Variants in BABAM2 observed in about 807,000 individuals in gnomAD.
BABAM2 encodes BRISC and BRCA1 A complex member 2, also known as BRISC and BRCA1-A complex member 2.
A neutral mutation model predicts 54.7 loss-of-function variants in BABAM2; 31 were observed. The observed-to-expected ratio is 0.57, with a 90% CI of 0.43 to 0.77. The LOEUF is 0.77. BABAM2 is among the 30% of genes least tolerant of loss of function. The probability of loss-of-function intolerance (pLI) is 0.00; values close to 1 mark genes in which losing one functional copy is unlikely to be tolerated. For synonymous variants in BABAM2, 167 were observed against 162.9 expected, an observed-to-expected ratio of 1.03 and a Z score of -0.19; for missense variants, 364 against 455.8, an observed-to-expected ratio of 0.80 and a Z score of 1.83.
At chr2:28,061,383 C>T (rs545547074) in intron 6 of BABAM2, among the ~76,000 whole-genome samples, 4 of 151,468 alleles carry the variant, frequency 2.6e-5, no homozygotes, top group Admixed American at 6.6e-5. Flanking sequence ...CAGGAGATAG[C>T]GACCATCCTG....
chr2:27,952,215 G>A (rs867110951), intron 3 of BABAM2, among the ~76,000 whole-genome samples: 4 of 152,246 alleles, frequency 2.6e-5, no homozygotes, highest in African/African-American at 9.6e-5. Flanking sequence ...TTTCTTTTGA[G>A]TAGCATATAA....
chr2:28,174,330 G>GTA (rs201583998), intron 7 of BABAM2, among the ~76,000 whole-genome samples: 21 of 152,102 alleles, frequency 1.4e-4, no homozygotes, highest in African/African-American at 3.4e-4. Flanking sequence ...GGCAATATAT[G>GTA]TATATATATA....
At chr2:28,319,713 C>T (rs916208645) in intron 11 of BABAM2, among the ~76,000 whole-genome samples, 5 of 152,250 alleles carry the variant, frequency 3.3e-5, no homozygotes, top group South Asian at 2.1e-4. Flanking sequence ...TGGCCGCAGA[C>T]GCTGTAGGCC....
chr2:28,237,228 A>G lies in BABAM2; in HGVS notation c.707A>G (p.His236Arg), dbSNP rs1282011183. 1 of 1,613,808 alleles carries G rather than the reference A, an allele frequency of 6.2e-7. No individual in the cohort carries two copies. The highest frequency in any genetic ancestry group is 1.1e-5 in the South Asian group (1 of 91,070). Residue 236 changes from histidine to arginine, a missense_variant, in exon 8 of 12, where the codon CAT becomes CGT. Physicochemically the swap from His to Arg is conservative, Grantham distance 29. Transcript: ENST00000379624. ...GCACTTGGAGGCTCCTCAGCTCTTC[A>G]TATCCCAGCTTTTCCAGGAGGAGGA... The part of the protein sequence containing the change: ...EHALGGSSAL[H>R]IPAFPGGGCL...
chr2:28,059,635 G>C (rs2148637299), intron 6 of BABAM2, among the ~76,000 whole-genome samples: 1 of 152,212 alleles, frequency 6.6e-6, no homozygotes. Context: ...GTATTTCCAG[G>C]ACTCTTTCAG....
At chr2:28,265,113 T>G (rs1684864462) in intron 10 of BABAM2, among the ~76,000 whole-genome samples, 2 of 152,068 alleles carry the variant, frequency 1.3e-5, no homozygotes, top group South Asian at 2.1e-4. Context: ...CCCTATAAAG[T>G]GTGTTAGATC....
chr2:28,016,880 A>C (rs1277855591), intron 4 of BABAM2, among the ~76,000 whole-genome samples: 1 of 152,224 alleles, frequency 6.6e-6, no homozygotes, highest in Non-Finnish European at 1.5e-5. Context: ...CAAAATCCCA[A>C]AATATAATCT....
intron 6 of BABAM2, among the ~76,000 whole-genome samples, chr2:28,109,695 C>T (rs1020361072): frequency 1.2e-4 from 19 of 152,166 alleles, no homozygotes; most frequent in Non-Finnish European, 4.4e-5. Flanking sequence ...CAGCTCTCTC[C>T]ACCTGACGCC....
chr2:27,903,101 C>A (rs1482174706), intron 2 of BABAM2, among the ~76,000 whole-genome samples: 3 of 151,564 alleles, frequency 2.0e-5, no homozygotes, highest in Admixed American at 2.0e-4. Flanking sequence ...CCACCCCCCC[C>A]ACCGTATGGA....
chr2:28,106,521 A>G (rs1031127309), intron 6 of BABAM2, among the ~76,000 whole-genome samples: 8 of 152,242 alleles, frequency 5.3e-5, no homozygotes, highest in African/African-American at 1.7e-4. Context: ...GTTATGTTAT[A>G]TAATTTCTCT....
chr2:28,292,481 G>A (rs1687365556), intron 10 of BABAM2, among the ~76,000 whole-genome samples: 1 of 152,138 alleles, frequency 6.6e-6, no homozygotes, highest in Admixed American at 6.6e-5. Context: ...TTCCTTAGAT[G>A]CCTTTGACTG....
chr2:28,136,593 G>A (rs1446861711), intron 7 of BABAM2, among the ~76,000 whole-genome samples: 3 of 152,326 alleles, frequency 2.0e-5, no homozygotes, highest in African/African-American at 4.8e-5. Flanking sequence ...CTTTATGGTC[G>A]CCTGTTCATG....
At chr2:28,144,934 G>C in intron 7 of BABAM2, among the ~76,000 whole-genome samples, 1 of 152,290 alleles carries the variant, frequency 6.6e-6, no homozygotes, top group East Asian at 1.9e-4. Flanking sequence ...CTTGGAGGGG[G>C]CTCCGGACCA....
chr2:28,327,777 T>C (rs1690603022), intron 11 of BABAM2, among the ~76,000 whole-genome samples: 1 of 152,196 alleles, frequency 6.6e-6, no homozygotes, highest in African/African-American at 2.4e-5. Flanking sequence ...GCTGTGAGCA[T>C]GTGGTACTGT....
At chr2:28,102,403 A>AG (rs1558336611) in intron 6 of BABAM2, among the ~76,000 whole-genome samples, 2 of 152,188 alleles carry the variant, frequency 1.3e-5, no homozygotes, top group Non-Finnish European at 2.9e-5. Flanking sequence ...TTACATTTTA[A>AG]TACCATTTAA....
chr2:28,261,014 T>C (rs1684459520), intron 10 of BABAM2, among the ~76,000 whole-genome samples: 2 of 146,220 alleles, frequency 1.4e-5, no homozygotes, highest in Non-Finnish European at 3.0e-5. Flanking sequence ...CAATCTTGGC[T>C]CACTTCAACC....
intron 7 of BABAM2, among the ~76,000 whole-genome samples, chr2:28,151,220 T>G (rs1672001330): frequency 6.6e-6 from 1 of 152,210 alleles, no homozygotes; most frequent in African/African-American, 2.4e-5. Flanking sequence ...GGTACCTGTT[T>G]TATGCCTACA....
At chr2:28,077,282 A>G (rs959031946) in intron 6 of BABAM2, among the ~76,000 whole-genome samples, 9 of 152,234 alleles carry the variant, frequency 5.9e-5, no homozygotes, top group African/African-American at 2.2e-4. Context: ...CCTTTTTAAG[A>G]ACTAAAGTTT....
At chr2:28,039,202 G>A (rs896986103) in intron 5 of BABAM2, among the ~76,000 whole-genome samples, 1 of 152,142 alleles carries the variant, frequency 6.6e-6, no homozygotes, top group Admixed American at 6.5e-5. Flanking sequence ...TACACCTTGA[G>A]TCTTGAGGTT....
Sources: allele counts gnomAD v4.1 joint callset (sites outside exome capture counted in the v4.1 genomes callset), GRCh38; gene constraint gnomAD v4.1.1; transcripts MANE v1.5; gene names NCBI Gene and HGNC (gene_info 2026-07-23, HGNC 2026-07-21).